The following SGCD variants were observed in gnomAD, a reference collection of about 807,000 sequenced individuals.
SGCD encodes delta-sarcoglycan.
Under a neutral mutation model 36.6 loss-of-function variants are expected in SGCD, and 18 were observed. The observed-to-expected ratio is 0.49, with a 90% CI of 0.34 to 0.73. The LOEUF is 0.73. Among genes scored for constraint, SGCD ranks in the 30% least tolerant of loss-of-function variants. The pLI, the probability that SGCD is intolerant of heterozygous loss-of-function variation, is 0.01. For missense variants in SGCD, 387 were observed against 346.7 expected (o/e 1.12, Z -0.92); for synonymous variants, 133 against 130.6 (o/e 1.02, Z -0.12).
chr5:156,330,016 C>CAAAAA (rs758475764), intron 2 of SGCD, among the ~76,000 whole-genome samples: 31 of 57,502 alleles, frequency 5.4e-4, no homozygotes, highest in African/African-American at 6.8e-4. Flanking sequence ...GATTCAGTCT[C>CAAAAA]AAAAAAAAAA....
intron 1 of SGCD, among the ~76,000 whole-genome samples, chr5:155,882,004 C>T (rs994448976): frequency 3.9e-5 from 6 of 152,184 alleles, no homozygotes; most frequent in South Asian, 2.1e-4. Context: ...CCTCTGAAGT[C>T]TTGAACCCCT....
intron 3 of SGCD, among the ~76,000 whole-genome samples, chr5:156,151,550 G>A (rs1353884035): frequency 1.3e-5 from 2 of 151,548 alleles, no homozygotes; most frequent in Non-Finnish European, 2.9e-5. Context: ...ATGCCATAAT[G>A]CATTGGCTCA....
intron 3 of SGCD, among the ~76,000 whole-genome samples, chr5:156,201,707 C>A (rs1217344505): frequency 6.9e-6 from 1 of 145,952 alleles, no homozygotes; most frequent in South Asian, 2.1e-4. Flanking sequence ...AGAGGACAAG[C>A]CCATAATTCC....
At chr5:155,748,555 G>A in the SGCD span, among the ~76,000 whole-genome samples, 2 of 152,100 alleles carry the variant, frequency 1.3e-5, no homozygotes, top group African/African-American at 4.8e-5. Context: ...CAAATCTGGG[G>A]TGTGGTCAGA....
intron 3 of SGCD, among the ~76,000 whole-genome samples, chr5:156,217,431 A>G (rs779055398): frequency 6.6e-6 from 1 of 152,174 alleles, no homozygotes; most frequent in Non-Finnish European, 1.5e-5. Context: ...ATGGTTTTCT[A>G]AGGTAACCAT....
intron 3 of SGCD, among the ~76,000 whole-genome samples, chr5:156,136,695 A>G (rs1762467396): frequency 6.6e-6 from 1 of 152,224 alleles, no homozygotes; most frequent in South Asian, 2.1e-4. Context: ...GATTATAGAC[A>G]TAGGGAACAA....
chr5:156,588,759 G>A (rs949133215), intron 4 of SGCD, among the ~76,000 whole-genome samples: 2 of 152,184 alleles, frequency 1.3e-5, no homozygotes, highest in Non-Finnish European at 2.9e-5. Context: ...CTTATAGTTG[G>A]TGGGTATGCC....
chr5:156,552,814 T>G (rs1758851656), intron 4 of SGCD, among the ~76,000 whole-genome samples: 1 of 152,234 alleles, frequency 6.6e-6, no homozygotes, highest in Non-Finnish European at 1.5e-5. Context: ...TTTTTAGATT[T>G]GTTTTCAGAA....
At chr5:155,903,219 C>T (rs148281035) in intron 1 of SGCD, among the ~76,000 whole-genome samples, 5 of 152,194 alleles carry the variant, frequency 3.3e-5, no homozygotes, top group Admixed American at 6.5e-5. Context: ...TTCCATTGGT[C>T]GTTTTCTTTT....
intron 1 of SGCD, among the ~76,000 whole-genome samples, chr5:156,115,152 A>T (rs1349348504): frequency 6.6e-6 from 1 of 152,038 alleles, no homozygotes; most frequent in Admixed American, 6.6e-5. Flanking sequence ...TTTTATATTA[A>T]CTTTTTAATT....
intron 1 of SGCD, among the ~76,000 whole-genome samples, chr5:156,083,319 A>C (rs1280102207): frequency 7.8e-6 from 1 of 128,720 alleles, no homozygotes. Context: ...TTTTTTTTGG[A>C]GTTTCGCTCT....
chr5:155,728,743 C>T, the SGCD span, among the ~76,000 whole-genome samples: 1 of 152,098 alleles, frequency 6.6e-6, no homozygotes, highest in South Asian at 2.1e-4. Context: ...CCCAGAGCCG[C>T]CAACTTCCCT....
chr5:156,301,500 G>C (rs1308440481), intron 3 of SGCD, among the ~76,000 whole-genome samples: 1 of 151,996 alleles, frequency 6.6e-6, no homozygotes, highest in Non-Finnish European at 1.5e-5. Context: ...TTTTTGATAT[G>C]TTGATTTTCG....
chr5:156,576,084 C>T (rs77667734), intron 4 of SGCD, among the ~76,000 whole-genome samples: 5,534 of 152,000 alleles, frequency 0.036, 325 homozygotes, highest in African/African-American at 0.13. Flanking sequence ...TGCCCCCCAC[C>T]CCACAATAGA....
intron 1 of SGCD, among the ~76,000 whole-genome samples, chr5:156,072,678 G>A (rs1760619245): frequency 6.6e-6 from 1 of 152,182 alleles, no homozygotes; most frequent in African/African-American, 2.4e-5. Context: ...ATGTTGGCCT[G>A]CCTTGCTAGA....
At chr5:156,480,644 C>A (rs1163206789) in intron 3 of SGCD, among the ~76,000 whole-genome samples, 1 of 152,166 alleles carries the variant, frequency 6.6e-6, no homozygotes, top group Admixed American at 6.5e-5. Context: ...GTTCTAATAA[C>A]TTCTTTAGCT....
At position 156,763,489 on chromosome 5, in the gene SGCD, C is replaced by T. The variant is rs1349630765; in HGVS notation, c.*4099C>T. On this transcript the variant is annotated 3_prime_UTR_variant, in exon 9 of 9. Coordinates refer to ENST00000337851, the MANE Select transcript of SGCD (RefSeq NM_000337.6). Reference sequence around the variant, plus strand: ...TGAAATTCTTTTTATCAAACTGATGCTGTGAGAAACCAGATGAATGCCAGT... The same window carrying T: ...TGAAATTCTTTTTATCAAACTGATGTTGTGAGAAACCAGATGAATGCCAGT... 2.0e-5 allele frequency: 3 copies of T among 152,386 alleles called. No individual in the cohort carries two copies. The highest frequency in any genetic ancestry group is 4.4e-5 in the Non-Finnish European group (3 of 68,036). 9.4% of individuals were successfully genotyped at this position (152,386 alleles called of 1,614,324 possible). A position where few individuals can be genotyped will look rare whatever the true frequency, so the allele number is the denominator to read the frequency against.
At chr5:156,180,671 T>C (rs1763586624) in intron 3 of SGCD, among the ~76,000 whole-genome samples, 1 of 152,208 alleles carries the variant, frequency 6.6e-6, no homozygotes, top group African/African-American at 2.4e-5. Context: ...ACATTTATTT[T>C]AACATGTTTA....
chr5:156,261,170 A>G (rs1346485), intron 3 of SGCD, among the ~76,000 whole-genome samples: 24,277 of 152,092 alleles, frequency 0.16, 2,145 homozygotes, highest in Admixed American at 0.21. Context: ...TATAAAATGA[A>G]TTGGAATTGG....
Sources: gnomAD v4.1 joint callset for allele counts (sites outside exome capture counted in the v4.1 genomes callset) on GRCh38, gnomAD v4.1.1 for gene constraint, MANE v1.5 for transcripts, NCBI Gene and HGNC (gene_info 2026-07-23, HGNC 2026-07-21) for gene names.